PDE4D: variants seen among roughly 807,000 people sequenced by gnomAD.
PDE4D encodes the protein 3',5'-cyclic-AMP phosphodiesterase 4D.
In PDE4D, 24 loss-of-function variants were observed where a neutral mutation model predicts 87.4. That is an observed-to-expected ratio of 0.27 (90% CI 0.20 to 0.39). The LOEUF is 0.39. Ranked by LOEUF, PDE4D falls within the 10% of genes least tolerant of loss-of-function variation. The pLI is 1.00. For synonymous variants in PDE4D, 384 were observed against 383.2 expected (o/e 1.00, Z -0.02); for missense variants, 714 against 1,041.0 (o/e 0.69, Z 4.32).
At chr5:59,472,255 T>A (rs1051768853) in intron 1 of PDE4D, among the ~76,000 whole-genome samples, 1 of 152,202 alleles carries the variant, frequency 6.6e-6, no homozygotes, top group Non-Finnish European at 1.5e-5. Context: ...ACAATCTTAT[T>A]TGAAATCATA....
At chr5:60,118,780 G>A (rs1778402168) in intron 2 of PDE4D, among the ~76,000 whole-genome samples, 1 of 151,920 alleles carries the variant, frequency 6.6e-6, no homozygotes, top group Non-Finnish European at 1.5e-5. Context: ...ATCTTCAAGA[G>A]TGGTGTTTAT....
At chr5:60,351,368 T>C (rs1759177194) in intron 1 of PDE4D, among the ~76,000 whole-genome samples, 1 of 152,164 alleles carries the variant, frequency 6.6e-6, no homozygotes, top group Non-Finnish European at 1.5e-5. Context: ...ACAGGCTCCC[T>C]TGCAGCTTAG....
intron 5 of PDE4D, among the ~76,000 whole-genome samples, chr5:59,070,934 G>C (rs1466343744): frequency 1.3e-5 from 2 of 152,136 alleles, no homozygotes; most frequent in African/African-American, 4.8e-5. Flanking sequence ...ATTATCCCAA[G>C]GGTAATGTTT....
rs559747587 is a variant in PDE4D at position 60,451,246 on chromosome 5, T to C, written c.-90+36696A>G. Among the ~76,000 whole-genome samples, 4 of 152,234 alleles carry C rather than the reference T, an allele frequency of 2.6e-5. No individual in the cohort carries two copies. In the East Asian group the frequency reaches 7.7e-4, roughly 29 times the overall value. ...GTTTTTGATCACTTTTTAAACTGTT[T>C]TTATTGACATGTAATAGTTGTACAT... On this transcript the variant is annotated intron_variant, in intron 1 of 16. Transcript: ENST00000502484.
intron 5 of PDE4D, among the ~76,000 whole-genome samples, chr5:59,075,989 G>A (rs981986193): frequency 6.6e-5 from 10 of 152,128 alleles, no homozygotes; most frequent in African/African-American, 2.4e-4. Flanking sequence ...CTAGAGAGCA[G>A]TTTTTAAGAA....
intron 1 of PDE4D, among the ~76,000 whole-genome samples, chr5:59,681,607 A>G (rs1192351134): frequency 6.6e-6 from 1 of 152,122 alleles, no homozygotes; most frequent in African/African-American, 2.4e-5. Flanking sequence ...TCCTTATAAA[A>G]GAATGAGTTT....
chr5:59,970,730 G>T (rs914566522), intron 3 of PDE4D, among the ~76,000 whole-genome samples: 4 of 148,086 alleles, frequency 2.7e-5, no homozygotes, highest in Admixed American at 6.8e-5. Flanking sequence ...AGGATGTGGA[G>T]AAATAGGAAC....
chr5:60,068,497 T>A (rs1772351176), intron 2 of PDE4D, among the ~76,000 whole-genome samples: 2 of 152,104 alleles, frequency 1.3e-5, no homozygotes, highest in Non-Finnish European at 2.9e-5. Flanking sequence ...ATATTTTGGA[T>A]ACTAACCCTT....
chr5:60,406,128 C>A (rs903035069), intron 1 of PDE4D, among the ~76,000 whole-genome samples: 2 of 151,840 alleles, frequency 1.3e-5, no homozygotes, highest in Non-Finnish European at 2.9e-5. Context: ...ATCAAAACAA[C>A]AATAAGACAA....
chr5:59,890,048 C>A (rs1161877511), intron 1 of PDE4D, among the ~76,000 whole-genome samples: 1 of 152,160 alleles, frequency 6.6e-6, no homozygotes, highest in Non-Finnish European at 1.5e-5. Context: ...GCTTCACAAA[C>A]TGTTACAAAT....
At chr5:60,416,626 C>A (rs1742601172) in intron 1 of PDE4D, among the ~76,000 whole-genome samples, 1 of 151,778 alleles carries the variant, frequency 6.6e-6, no homozygotes, top group African/African-American at 2.4e-5. Flanking sequence ...TCAGAAGGAA[C>A]AAACTCTGGA....
intron 1 of PDE4D, among the ~76,000 whole-genome samples, chr5:59,762,820 A>G (rs1431618794): frequency 2.1e-5 from 3 of 139,972 alleles, no homozygotes; most frequent in Non-Finnish European, 4.6e-5. Flanking sequence ...CTCTATTCCT[A>G]TACTACGTAC....
chr5:59,635,942 A>G (rs975506112), intron 1 of PDE4D, among the ~76,000 whole-genome samples: 1 of 152,218 alleles, frequency 6.6e-6, no homozygotes, highest in African/African-American at 2.4e-5. Flanking sequence ...AGGATGTTAA[A>G]TTATCTCTCT....
chr5:59,285,709 T>C (rs1256309760), intron 1 of PDE4D, among the ~76,000 whole-genome samples: 1 of 152,072 alleles, frequency 6.6e-6, no homozygotes, highest in African/African-American at 2.4e-5. Context: ...CCAGACAGAG[T>C]ATTTGAATTC....
At chr5:60,421,566 T>G (rs1166176600) in intron 1 of PDE4D, among the ~76,000 whole-genome samples, 1 of 152,104 alleles carries the variant, frequency 6.6e-6, no homozygotes, top group South Asian at 2.1e-4. Context: ...CAAAGGTTGA[T>G]AAAACCAAAA....
At chr5:59,959,346 C>T (rs1054976377) in intron 3 of PDE4D, among the ~76,000 whole-genome samples, 5 of 152,074 alleles carry the variant, frequency 3.3e-5, no homozygotes, top group African/African-American at 1.2e-4. Context: ...TTATTTTTCA[C>T]AGAATTAGAA....
At chr5:59,631,904 C>G (rs1322051919) in intron 1 of PDE4D, among the ~76,000 whole-genome samples, 1 of 152,122 alleles carries the variant, frequency 6.6e-6, no homozygotes, top group Non-Finnish European at 1.5e-5. Context: ...GCCATTCAAT[C>G]CCCTGGAAGG....
intron 2 of PDE4D, among the ~76,000 whole-genome samples, chr5:60,000,135 A>C (rs1763892180): frequency 1.3e-5 from 2 of 152,180 alleles, no homozygotes; most frequent in African/African-American, 4.8e-5. Flanking sequence ...AAATCTGAGA[A>C]GGAGATGATA....
chr5:59,506,390 C>T (rs1383848732), intron 1 of PDE4D, among the ~76,000 whole-genome samples: 2 of 151,956 alleles, frequency 1.3e-5, no homozygotes, highest in East Asian at 1.9e-4. Context: ...AAAAAAAATG[C>T]TTCTGCTTAA....
Sources: gnomAD v4.1 joint callset for allele counts (sites outside exome capture counted in the v4.1 genomes callset) on GRCh38, gnomAD v4.1.1 for gene constraint, MANE v1.5 for transcripts, NCBI Gene and HGNC (gene_info 2026-07-23, HGNC 2026-07-21) for gene names.